Variants in CCSER1 observed in about 807,000 individuals in gnomAD.
CCSER1 encodes coiled-coil serine rich protein 1.
A neutral mutation model predicts 82.0 loss-of-function variants in CCSER1; 41 were observed. The observed-to-expected ratio is 0.50, with a 90% CI of 0.39 to 0.65. The LOEUF (loss-of-function observed/expected upper bound fraction) is 0.65, where lower values mean the gene tolerates loss of function less well. CCSER1 is among the 30% of genes least tolerant of loss of function. The pLI is 0.00. For synonymous variants in CCSER1, 414 were observed against 383.9 expected (o/e 1.08, Z -0.92); for missense variants, 1,119 against 1,064.2 (o/e 1.05, Z -0.72).
chr4:90,365,428 T>C (rs1281819118), intron 3 of CCSER1, among the ~76,000 whole-genome samples: 1 of 151,832 alleles, frequency 6.6e-6, no homozygotes, highest in African/African-American at 2.4e-5. Context: ...TATTTCCTTC[T>C]CAATTTCTAC....
intron 8 of CCSER1, among the ~76,000 whole-genome samples, chr4:90,848,953 G>A (rs1406376220): frequency 6.6e-6 from 1 of 152,118 alleles, no homozygotes; most frequent in Non-Finnish European, 1.5e-5. Context: ...AGTTTTCTGG[G>A]GCTTCGCCTC....
At chr4:90,671,335 CCTCTCAAACTCTG>C (rs1159726614) in intron 6 of CCSER1, among the ~76,000 whole-genome samples, 7 of 152,028 alleles carry the variant, frequency 4.6e-5, no homozygotes, top group Non-Finnish European at 8.8e-5. Context: ...TAGAGTCCAT[CCTCTCAAACTCTG>C]CTGCTGCTTT....
intron 4 of CCSER1, among the ~76,000 whole-genome samples, chr4:90,423,113 A>G (rs1320224645): frequency 6.6e-6 from 1 of 152,202 alleles, no homozygotes; most frequent in Non-Finnish European, 1.5e-5. Context: ...GAGCATTCAT[A>G]GATCAGAAAA....
intron 4 of CCSER1, among the ~76,000 whole-genome samples, chr4:90,456,373 T>A (rs1280438620): frequency 6.6e-6 from 1 of 152,130 alleles, no homozygotes; most frequent in African/African-American, 2.4e-5. Flanking sequence ...AACACCCTTA[T>A]CATTGTATAT....
chr4:90,185,665 A>C (rs1560762064), intron 1 of CCSER1, among the ~76,000 whole-genome samples: 1 of 152,078 alleles, frequency 6.6e-6, no homozygotes, highest in Admixed American at 6.6e-5. Flanking sequence ...TAATGTCCCC[A>C]GTCCTCAAGC....
chr4:91,450,157 A>G (rs530956128), intron 10 of CCSER1, among the ~76,000 whole-genome samples: 2 of 152,074 alleles, frequency 1.3e-5, no homozygotes, highest in Non-Finnish European at 2.9e-5. Context: ...GTGCAAGAGA[A>G]TTGTCTTACT....
At chr4:90,924,789 C>T (rs898099835) in intron 9 of CCSER1, among the ~76,000 whole-genome samples, 4 of 151,992 alleles carry the variant, frequency 2.6e-5, no homozygotes, top group African/African-American at 7.2e-5. Flanking sequence ...TGCACTGGCG[C>T]GATCTCGGCT....
At chr4:90,457,013 G>T (rs567826114) in intron 4 of CCSER1, among the ~76,000 whole-genome samples, 67 of 152,268 alleles carry the variant, frequency 4.4e-4, no homozygotes, top group Admixed American at 1.5e-3. Flanking sequence ...CCTGCCAATG[G>T]TGAGCCAGGC....
chr4:90,452,724 T>C (rs1252010702), intron 4 of CCSER1, among the ~76,000 whole-genome samples: 1 of 152,214 alleles, frequency 6.6e-6, no homozygotes, highest in East Asian at 1.9e-4. Context: ...AGCCTCTGGT[T>C]CCCAAGTTAG....
chr4:90,468,820 A>G (rs1173066926), intron 5 of CCSER1, among the ~76,000 whole-genome samples: 1 of 152,100 alleles, frequency 6.6e-6, no homozygotes, highest in Non-Finnish European at 1.5e-5. Flanking sequence ...TAGTGTTTTC[A>G]TATTTTTTCC....
chr4:90,303,795 A>G (rs1478474624), intron 1 of CCSER1, among the ~76,000 whole-genome samples: 4 of 152,148 alleles, frequency 2.6e-5, no homozygotes, highest in Non-Finnish European at 5.9e-5. Flanking sequence ...GCCAAAATTG[A>G]CAAATGGGAT....
intron 6 of CCSER1, among the ~76,000 whole-genome samples, chr4:90,689,691 G>A (rs1168484571): frequency 6.6e-6 from 1 of 152,028 alleles, no homozygotes; most frequent in East Asian, 1.9e-4. Flanking sequence ...GTGCTCCCAG[G>A]AAGATGTGAT....
chr4:90,896,512 C>T (rs1439396608), intron 8 of CCSER1, among the ~76,000 whole-genome samples: 2 of 151,718 alleles, frequency 1.3e-5, no homozygotes, highest in South Asian at 2.1e-4. Flanking sequence ...AATTAATGGT[C>T]GTGAAGGGAA....
chr4:90,791,325 A>T (rs1755203508), intron 7 of CCSER1, among the ~76,000 whole-genome samples: 1 of 152,154 alleles, frequency 6.6e-6, no homozygotes, highest in African/African-American at 2.4e-5. Flanking sequence ...ATGCCATCAA[A>T]CCACATTGCA....
chr4:90,763,922 C>A (rs11930189), intron 7 of CCSER1, among the ~76,000 whole-genome samples: 2 of 151,936 alleles, frequency 1.3e-5, no homozygotes, highest in East Asian at 1.9e-4. Context: ...TTCCGGTGTC[C>A]TCTGCATTAG....
Position 90,628,191 on chromosome 4 carries a change from G to A in CCSER1, c.1891G>A (p.Val631Ile). Residue 631 changes from valine to isoleucine, a missense_variant, in exon 6 of 11, where the codon GTC becomes ATC. Val to Ile is a conservative substitution (Grantham distance 29, BLOSUM62 3). Coordinates refer to ENST00000509176, the MANE Select transcript of CCSER1 (RefSeq NM_001145065.2). ...FRLMLQDCTAVKTLLLKMKRV... is the reference protein window; with the variant it reads ...FRLMLQDCTAIKTLLLKMKRV... Reference sequence around the variant, plus strand: ...ACTGATGTTACAGGACTGCACGGCAGTCAAGACGTTATTATTAAAGATGAA... The same window carrying A: ...ACTGATGTTACAGGACTGCACGGCAATCAAGACGTTATTATTAAAGATGAA... 1 of 1,613,900 alleles carries A rather than the reference G, an allele frequency of 6.2e-7. No individual in the cohort carries two copies.
intron 10 of CCSER1, among the ~76,000 whole-genome samples, chr4:91,135,716 G>A (rs1243612202): frequency 7.8e-6 from 1 of 129,022 alleles, no homozygotes. Flanking sequence ...AGAAAAGTTG[G>A]GTGAGAGAGA....
chr4:91,401,194 CTAA>C (rs1189910342), intron 10 of CCSER1, among the ~76,000 whole-genome samples: 1 of 150,596 alleles, frequency 6.6e-6, no homozygotes, highest in Non-Finnish European at 1.5e-5. Context: ...ATTAAAATAA[CTAA>C]TAATATAAAA....
At chr4:91,490,873 CATATATATATATAT>C (rs778476142) in intron 10 of CCSER1, among the ~76,000 whole-genome samples, 268 of 16,398 alleles carry the variant, frequency 0.016, 4 homozygotes, top group Non-Finnish European at 0.031. Context: ...TCAGGCACTC[CATATATATATATAT>C]ATATATATAT....
Sources: gnomAD v4.1 joint callset for allele counts (sites outside exome capture counted in the v4.1 genomes callset) on GRCh38, gnomAD v4.1.1 for gene constraint, MANE v1.5 for transcripts, NCBI Gene and HGNC (gene_info 2026-07-23, HGNC 2026-07-21) for gene names.